XIRP2: variants seen among roughly 807,000 people sequenced by gnomAD.
XIRP2 encodes the protein xin actin-binding repeat-containing protein 2.
XIRP2 carries 236 observed loss-of-function variants against 277.0 expected under a neutral mutation model. The observed-to-expected ratio is 0.85, with a 90% CI of 0.77 to 0.95. The LOEUF is 0.95. XIRP2 is among the 40% of genes least tolerant of loss of function. The pLI is 0.00. For missense variants in XIRP2, 4,640 were observed against 4,157.5 expected (o/e 1.12, Z -3.19); for synonymous variants, 1,490 against 1,416.5 (o/e 1.05, Z -1.17).
intron 3 of XIRP2, among the ~76,000 whole-genome samples, chr2:167,191,578 G>A (rs1693336904): frequency 6.6e-6 from 1 of 152,084 alleles, no homozygotes; most frequent in Non-Finnish European, 1.5e-5. Context: ...ACAAATTGTG[G>A]AAAAGGAGAC....
chr2:167,164,315 C>G (rs975189678), intron 3 of XIRP2, among the ~76,000 whole-genome samples: 3 of 151,502 alleles, frequency 2.0e-5, no homozygotes, highest in Admixed American at 6.6e-5. Flanking sequence ...GCGTGTTAGC[C>G]GGCGCCTGTA....
chr2:167,010,864 C>A (rs1687656718), intron 2 of XIRP2, among the ~76,000 whole-genome samples: 2 of 152,076 alleles, frequency 1.3e-5, no homozygotes, highest in South Asian at 4.2e-4. Flanking sequence ...TGATTTGGCT[C>A]TCTGTTTGTC....
intron 3 of XIRP2, among the ~76,000 whole-genome samples, chr2:167,150,714 CT>C (rs1050094973): frequency 1.5e-4 from 23 of 151,870 alleles, no homozygotes; most frequent in Non-Finnish European, 5.9e-5. Flanking sequence ...GGGAAAACCC[CT>C]AAGAAATTGG....
chr2:167,052,140 T>C (rs566089716), intron 2 of XIRP2, among the ~76,000 whole-genome samples: 22 of 152,120 alleles, frequency 1.4e-4, no homozygotes, highest in African/African-American at 5.3e-4. Context: ...AAAAAATAAA[T>C]TACAGTACAA....
intron 2 of XIRP2, among the ~76,000 whole-genome samples, chr2:166,941,955 A>G (rs1254681573): frequency 6.6e-6 from 1 of 152,238 alleles, no homozygotes; most frequent in African/African-American, 2.4e-5. Flanking sequence ...TAACGTATTT[A>G]TCTGGTTCTG....
chr2:167,213,109 G>A (rs138516711), intron 4 of XIRP2, among the ~76,000 whole-genome samples: 52 of 152,218 alleles, frequency 3.4e-4, no homozygotes, highest in Middle Eastern at 3.4e-3. Flanking sequence ...CAATCAGATG[G>A]CATTTGGTTG....
chr2:166,952,361 A>G (rs1421464640), intron 2 of XIRP2, among the ~76,000 whole-genome samples: 1 of 152,024 alleles, frequency 6.6e-6, no homozygotes, highest in Non-Finnish European at 1.5e-5. Context: ...AAATCATATC[A>G]CATTTTAATT....
rs1695513449 is a variant in XIRP2 at position 167,251,798 on chromosome 2, T to A, written c.10406T>A (p.Ile3469Asn). 6.2e-7 allele frequency: 1 copy of A among 1,613,364 alleles called. No individual in the cohort carries two copies. The highest frequency in any genetic ancestry group is 1.3e-5 in the African/African-American group (1 of 74,950). The change falls in exon 9 of 11, where the codon ATC becomes AAC. Residue 3469 changes from isoleucine (I) to asparagine (N), a missense_variant. Physicochemically the swap from Ile to Asn is moderately radical, Grantham distance 149. Coordinates refer to ENST00000409195, the MANE Select transcript of XIRP2 (RefSeq NM_152381.6). ...GTCATTGCTGGACATATTTTAGATA[T>A]CTCTGATTCACCTAAAGAAGTAAGA... ...EDVIAGHILD[I>N]SDSPKEVRKN... is the part of the protein sequence containing the mutation.
chr2:166,898,276 G>C (rs1434331800), intron 1 of XIRP2, among the ~76,000 whole-genome samples: 2 of 152,074 alleles, frequency 1.3e-5, no homozygotes, highest in Non-Finnish European at 2.9e-5. Flanking sequence ...AGGAACATAT[G>C]TTGAAGGGTG....
At chr2:166,954,673 G>T (rs1374827181) in intron 2 of XIRP2, among the ~76,000 whole-genome samples, 1 of 151,882 alleles carries the variant, frequency 6.6e-6, no homozygotes, top group Non-Finnish European at 1.5e-5. Flanking sequence ...TAACCCAAAT[G>T]CCCATCAGTG....
intron 2 of XIRP2, among the ~76,000 whole-genome samples, chr2:167,125,810 C>T (rs950251631): frequency 2.6e-5 from 4 of 152,118 alleles, no homozygotes; most frequent in Admixed American, 6.6e-5. Flanking sequence ...TTTAATCACT[C>T]ATGGTTCTAT....
intron 2 of XIRP2, among the ~76,000 whole-genome samples, chr2:167,105,886 T>G (rs1333916061): frequency 3.3e-5 from 5 of 151,800 alleles, no homozygotes; most frequent in Non-Finnish European, 7.4e-5. Flanking sequence ...GGTTTTAGTT[T>G]GCATTTCCCT....
intron 3 of XIRP2, among the ~76,000 whole-genome samples, chr2:167,145,391 G>A (rs976218729): frequency 1.3e-5 from 2 of 152,066 alleles, no homozygotes; most frequent in African/African-American, 4.8e-5. Context: ...AGAGGAAGGG[G>A]AATTATTAAA....
chr2:167,218,516 G>A (rs1694325803), intron 5 of XIRP2, among the ~76,000 whole-genome samples: 1 of 152,162 alleles, frequency 6.6e-6, no homozygotes, highest in African/African-American at 2.4e-5. Flanking sequence ...TAGAGACTGT[G>A]CTGGACATTC....
Position 167,248,900 on chromosome 2 carries a change from C to G in XIRP2, c.7508C>G (p.Thr2503Arg), listed in dbSNP as rs767329718. Residue 2503 changes from threonine to arginine, a missense_variant, in exon 9 of 11, where the codon ACA (threonine) becomes AGA (arginine). Thr to Arg is a moderately conservative substitution (Grantham distance 71, BLOSUM62 -1). Coordinates refer to ENST00000409195, the MANE Select transcript of XIRP2 (RefSeq NM_152381.6). ...SIDSANCLSH[T>R]VPGTSAPRKK... ...GACTCTGCAAACTGTCTCTCACACA[C>G]AGTTCCAGGAACTTCAGCACCCAGG... 1 of 1,613,760 alleles carries G rather than the reference C, an allele frequency of 6.2e-7. No homozygotes were observed. The highest frequency in any genetic ancestry group is 1.1e-5 in the South Asian group (1 of 91,052).
At chr2:167,046,437 G>A (rs999709082) in intron 2 of XIRP2, among the ~76,000 whole-genome samples, 2 of 150,588 alleles carry the variant, frequency 1.3e-5, no homozygotes, top group African/African-American at 4.9e-5. Context: ...TATACCTAAA[G>A]GAATATACAT....
chr2:167,032,186 A>G (rs1466191824), intron 2 of XIRP2, among the ~76,000 whole-genome samples: 1 of 152,202 alleles, frequency 6.6e-6, no homozygotes, highest in African/African-American at 2.4e-5. Context: ...TAAACCTGAC[A>G]AAAACAAGCA....
intron 9 of XIRP2, among the ~76,000 whole-genome samples, chr2:167,252,594 G>A (rs907205710): frequency 5.3e-5 from 8 of 151,824 alleles, no homozygotes; most frequent in East Asian, 1.9e-4. Context: ...ATTCACAAAT[G>A]AGCGTAAACA....
chr2:167,010,885 G>A lies in XIRP2; in HGVS notation c.408+106995G>A, dbSNP rs1012459442. On this transcript the variant is annotated intron_variant, in intron 2 of 10. Transcript: ENST00000409195. The stretch of plus-strand genomic sequence containing the variant: ...GGCTCTCTGTTTGTCTGTTATTGGT[G>A]TATAAGAATGCTTGTGATTTTTGTA... Among the ~76,000 whole-genome samples, 248 of 152,154 alleles carry A rather than the reference G, an allele frequency of 1.6e-3. 1 individual carries two copies. Among genetic ancestry groups the A allele is most frequent in the African/African-American group, 5.8e-3 (240 of 41,516 alleles).
Sources: gnomAD v4.1 joint callset for allele counts (sites outside exome capture counted in the v4.1 genomes callset) on GRCh38, gnomAD v4.1.1 for gene constraint, MANE v1.5 for transcripts, NCBI Gene and HGNC (gene_info 2026-07-23, HGNC 2026-07-21) for gene names.